Variants in KDM7A observed in about 807,000 individuals in gnomAD.
KDM7A encodes lysine-specific demethylase 7A.
In KDM7A, 28 loss-of-function variants were observed where a neutral mutation model predicts 114.8. The ratio of observed to expected loss-of-function variants is 0.24; its 90% CI spans 0.18 to 0.33. The LOEUF (loss-of-function observed/expected upper bound fraction) is 0.33. Among genes scored for constraint, KDM7A ranks in the 10% least tolerant of loss-of-function variants. KDM7A has a pLI of 1.00. For missense variants in KDM7A, 942 were observed against 1,142.5 expected, an observed-to-expected ratio of 0.82 and a Z score of 2.53; for synonymous variants, 423 against 397.8, an observed-to-expected ratio of 1.06 and a Z score of -0.75.
chr7:140,148,913 G>A (rs950815793), intron 1 of KDM7A, among the ~76,000 whole-genome samples: 5 of 152,064 alleles, frequency 3.3e-5, no homozygotes, highest in Non-Finnish European at 7.4e-5. Context: ...AAGCTGTTTA[G>A]TGGCATACTA....
chr7:140,128,043 C>T (rs1818733731), intron 4 of KDM7A, among the ~76,000 whole-genome samples: 1 of 152,076 alleles, frequency 6.6e-6, no homozygotes. Context: ...AAACACATCA[C>T]TCATTGGGGA....
intron 1 of KDM7A, among the ~76,000 whole-genome samples, chr7:140,151,658 T>C (rs984122856): frequency 6.6e-6 from 1 of 152,214 alleles, no homozygotes; most frequent in East Asian, 1.9e-4. Flanking sequence ...AAGGTCTTCA[T>C]TCATCACAAA....
chr7:140,152,219 T>C (rs1043855310), intron 1 of KDM7A, among the ~76,000 whole-genome samples: 1 of 152,226 alleles, frequency 6.6e-6, no homozygotes, highest in African/African-American at 2.4e-5. Flanking sequence ...GTATGCTTTT[T>C]CATTCTTGAT....
chr7:140,126,867 T>C, intron 5 of KDM7A, 44 bp from the exon 6 acceptor site: 11 of 1,396,880 alleles, frequency 7.9e-6, no homozygotes, highest in Middle Eastern at 3.7e-4. Context: ...TCATGCAAAT[T>C]AAAAATTCTT....
intron 12 of KDM7A, among the ~76,000 whole-genome samples, chr7:140,100,681 CAT>C (rs1318217688): frequency 6.8e-5 from 3 of 44,364 alleles, no homozygotes; most frequent in Non-Finnish European, 1.3e-4. Context: ...TATATATATA[CAT>C]ATATACATAT....
chr7:140,096,747 T>C lies in KDM7A; in HGVS notation c.2182A>G (p.Thr728Ala), dbSNP rs751727274. ...IPIKRECPTS[T>A]STEEEAIQGM... ...TGAATAGCTTCTTCCTCTGTGCTCG[T>C]CGAGGTAGGACATTCCCTAAAGAAG... The change falls in exon 17 of 20, where the codon ACG becomes GCG. Residue 728 changes from threonine to alanine, a missense_variant. Around this residue, in one of 4 missense-constraint regions of KDM7A, gnomAD observed 512 missense variants for 576.6 expected, o/e 0.89. Transcript: ENST00000397560. 20 of 1,614,164 alleles carry C rather than the reference T, an allele frequency of 1.2e-5. No individual in the cohort carries two copies. The highest frequency in any genetic ancestry group is 1.6e-5 in the Non-Finnish European group (19 of 1,179,970).
At chr7:140,171,497 T>A (rs918558918) in intron 1 of KDM7A, among the ~76,000 whole-genome samples, 3 of 134,034 alleles carry the variant, frequency 2.2e-5, no homozygotes, top group African/African-American at 8.5e-5. Context: ...TATATTTATA[T>A]ACATATTTTA....
At position 140,120,449 on chromosome 7, in the gene KDM7A, G is replaced by T; in HGVS notation, c.1132C>A (p.Gln378Lys). The T allele has an allele frequency of 6.2e-7, 1 of 1,603,848 alleles. No homozygotes were observed. Among genetic ancestry groups the T allele is most frequent in the Non-Finnish European group, 8.5e-7 (1 of 1,170,818 alleles). The part of the protein sequence containing the change: ...NFLHNLNIGM[Q>K]LRCYEMEKRL... ...AATACTGATGACACAAACCTGAGCT[G>T]CATGCCAATGTTAAGGTTGTGCAGG... Residue 378 changes from glutamine to lysine, a missense_variant, in exon 8 of 20, where the codon CAG becomes AAG. This residue lies in a region of KDM7A where 318 missense variants were observed against 453.1 expected (regional missense o/e 0.70). Coordinates refer to ENST00000397560, the MANE Select transcript of KDM7A (RefSeq NM_030647.2).
At chr7:140,096,825 A>T (rs1818122145) in intron 16 of KDM7A, 62 bp from the exon 17 acceptor site, 2 of 1,592,536 alleles carry the variant, frequency 1.3e-6, no homozygotes, top group Admixed American at 3.5e-5. Context: ...TTTTGGTAAA[A>T]TTTAAAACTA....
intron 11 of KDM7A, among the ~76,000 whole-genome samples, chr7:140,102,562 A>G (rs905014348): frequency 6.6e-6 from 1 of 152,038 alleles, no homozygotes; most frequent in African/African-American, 2.4e-5. Flanking sequence ...TTTTAGAGAC[A>G]AGTATTTGCC....
At chr7:140,128,406 T>C (rs999300182) in intron 4 of KDM7A, among the ~76,000 whole-genome samples, 4 of 152,202 alleles carry the variant, frequency 2.6e-5, no homozygotes, top group Non-Finnish European at 5.9e-5. Context: ...AGTCTTGCCT[T>C]ATAGACTTCT....
intron 1 of KDM7A, among the ~76,000 whole-genome samples, chr7:140,171,304 CA>C (rs59757938): frequency 0.25 from 31,911 of 127,746 alleles, 4,732 homozygotes; most frequent in African/African-American, 0.43. Context: ...ACTAAAAATA[CA>C]AAAAAAAAAA....
intron 1 of KDM7A, among the ~76,000 whole-genome samples, chr7:140,174,024 C>T (rs940664719): frequency 1.3e-5 from 2 of 152,016 alleles, no homozygotes; most frequent in African/African-American, 2.4e-5. Context: ...ATTAGCCAGG[C>T]GTGGTGACGG....
At chr7:140,142,032 T>TAAAAAGATATTTATATATCATATATATA (rs1479283220) in intron 1 of KDM7A, among the ~76,000 whole-genome samples, 1 of 130,390 alleles carries the variant, frequency 7.7e-6, no homozygotes, top group Non-Finnish European at 1.8e-5. Context: ...ATTTATATAT[T>TAAAAAGATATTTATATATCATATATATA]AAAAAGATAT....
chr7:140,122,365 CAT>C (rs1490160441), intron 7 of KDM7A, among the ~76,000 whole-genome samples: 1 of 151,640 alleles, frequency 6.6e-6, no homozygotes, highest in Non-Finnish European at 1.5e-5. Flanking sequence ...TTTGAAGAAT[CAT>C]AAATGTCAAT....
At chr7:140,109,822 A>G (rs1023004116) in intron 11 of KDM7A, among the ~76,000 whole-genome samples, 1 of 152,238 alleles carries the variant, frequency 6.6e-6, no homozygotes, top group Non-Finnish European at 1.5e-5. Flanking sequence ...AGCGCCACAT[A>G]ACATATTGTC....
chr7:140,162,608 C>T (rs969555945), intron 1 of KDM7A, among the ~76,000 whole-genome samples: 1 of 138,022 alleles, frequency 7.2e-6, no homozygotes, highest in African/African-American at 2.8e-5. Flanking sequence ...TATATTTAAG[C>T]TCAAACTTCT....
chr7:140,152,745 C>A (rs941636180), intron 1 of KDM7A, among the ~76,000 whole-genome samples: 6 of 152,138 alleles, frequency 3.9e-5, no homozygotes, highest in African/African-American at 1.2e-4. Context: ...TATTTCGAAA[C>A]ATACAAGTCA....
intron 10 of KDM7A, among the ~76,000 whole-genome samples, chr7:140,113,075 C>T (rs1413067280): frequency 6.6e-6 from 1 of 152,192 alleles, no homozygotes; most frequent in Admixed American, 6.5e-5. Flanking sequence ...CTCTTTGAAC[C>T]TTGGCTTTCC....
Sources: allele counts gnomAD v4.1 joint callset (sites outside exome capture counted in the v4.1 genomes callset), GRCh38; gene constraint gnomAD v4.1.1; regional missense constraint gnomAD v4.1.1; transcripts MANE v1.5; gene names NCBI Gene and HGNC (gene_info 2026-07-23, HGNC 2026-07-21).